The following C10orf88 variants were observed in gnomAD, a reference collection of about 807,000 sequenced individuals.
C10orf88 encodes chromosome 10 open reading frame 88.
A neutral mutation model predicts 34.2 loss-of-function variants in C10orf88; 29 were observed. That is an observed-to-expected ratio of 0.85 (90% CI 0.63 to 1.16). The LOEUF (loss-of-function observed/expected upper bound fraction) is 1.16. C10orf88 is among the 50% of genes most tolerant of loss of function. The pLI is 0.00. For synonymous variants in C10orf88, 194 were observed against 197.4 expected, an observed-to-expected ratio of 0.98 and a Z score of 0.15; for missense variants, 507 against 533.2, an observed-to-expected ratio of 0.95 and a Z score of 0.48.
chr10:122,938,254 T>C (rs1848553014), intron 4 of C10orf88, 95 bp from the exon 5 acceptor site: 2 of 1,034,102 alleles, frequency 1.9e-6, no homozygotes, highest in East Asian at 2.5e-5. Context: ...CATTGTTTCA[T>C]CCAATCCTCA....
At position 122,951,984 on chromosome 10, in the gene C10orf88, C is replaced by A; in HGVS notation, c.411G>T (p.Leu137Phe). The change falls in exon 3 of 6, where the codon TTG becomes TTT. Residue 137 changes from leucine (L) to phenylalanine (F), a missense_variant. Physicochemically the swap from Leu to Phe is conservative, Grantham distance 22. Coordinates refer to ENST00000481909, the MANE Select transcript of C10orf88 (RefSeq NM_024942.4). ...TTTTACAAGCATGTGTGGAGGACTC[C>A]AATTTTAGATTTTTTTTATACAAAA... ...KIILYKKNLK[L>F]ESSTHACKIK... The A allele has an allele frequency of 7.1e-6, 11 of 1,546,348 alleles. No individual in the cohort carries two copies. Among genetic ancestry groups the A allele is most frequent in the Non-Finnish European group, 9.7e-6 (11 of 1,128,404 alleles).
chr10:122,941,621 T>C (rs1190710721), intron 4 of C10orf88, among the ~76,000 whole-genome samples: 1 of 152,158 alleles, frequency 6.6e-6, no homozygotes, highest in Non-Finnish European at 1.5e-5. Context: ...TTAGAATGTA[T>C]AGATGCCTAG....
chr10:122,938,862 G>T (rs113547715), intron 4 of C10orf88, among the ~76,000 whole-genome samples: 3,470 of 152,066 alleles, frequency 0.023, 52 homozygotes, highest in Middle Eastern at 0.048. Flanking sequence ...GATGATTACA[G>T]TATCTCCCTT....
chr10:122,941,130 A>G (rs1342304933), intron 4 of C10orf88, among the ~76,000 whole-genome samples: 1 of 152,226 alleles, frequency 6.6e-6, no homozygotes, highest in South Asian at 2.1e-4. Flanking sequence ...AGAAAAAAGC[A>G]AGAGTATAAC....
chr10:122,938,476 G>A (rs1026200977), intron 4 of C10orf88, among the ~76,000 whole-genome samples: 1 of 152,020 alleles, frequency 6.6e-6, no homozygotes, highest in Non-Finnish European at 1.5e-5. Context: ...TAGTCAAACT[G>A]CACTGACACT....
chr10:122,931,269 C>A lies in C10orf88; in HGVS notation c.*1158G>T, dbSNP rs1183808184. The A allele has an allele frequency of 1.3e-5, 2 of 152,136 alleles. No homozygotes were observed. Among genetic ancestry groups the A allele is most frequent in the African/African-American group, 4.8e-5 (2 of 41,424 alleles). 9.4% of individuals were successfully genotyped at this position (152,136 alleles called of 1,614,324 possible). On this transcript the variant is annotated 3_prime_UTR_variant, in exon 6 of 6. Coordinates refer to ENST00000481909, the MANE Select transcript of C10orf88 (RefSeq NM_024942.4). The stretch of plus-strand genomic sequence containing the variant: ...AGCTATCGTGGTTGTAACCAGTCTC[C>A]TCTGGACTGGTTACAAAAGGAACTT...
chr10:122,931,130 C>T lies in C10orf88; in HGVS notation c.*1297G>A, dbSNP rs1229646792. Reference sequence around the variant, plus strand: ...TGCCTTCCTTTTTGTCCTTTCATGGCTTCTTCTGGTCACTGTCATGGCGAT... The same window carrying T: ...TGCCTTCCTTTTTGTCCTTTCATGGTTTCTTCTGGTCACTGTCATGGCGAT... On this transcript the variant is annotated 3_prime_UTR_variant, in exon 6 of 6. Coordinates refer to ENST00000481909, the MANE Select transcript of C10orf88 (RefSeq NM_024942.4). 3.3e-5 allele frequency: 5 copies of T among 152,152 alleles called. No homozygotes were observed. In the East Asian group the frequency reaches 9.6e-4, roughly 29 times the overall value. The allele number at this position is 152,152 out of a possible 1,614,324, so 9.4% of individuals were successfully genotyped here. A position where few individuals can be genotyped will look rare whatever the true frequency, so the allele number is the denominator to read the frequency against.
chr10:122,954,222 TC>T lies in C10orf88; in HGVS notation c.-45del. ...GCCAGCCCAGCCCCGGAACCTCTCT[TC>T]CAGTGCTTGAATTTCCGCCGGTACA... On this transcript the variant is annotated 5_prime_UTR_variant, in exon 1 of 6. Coordinates refer to ENST00000481909, the MANE Select transcript of C10orf88 (RefSeq NM_024942.4). The T allele has an allele frequency of 6.8e-7, 1 of 1,464,120 alleles. No homozygotes were observed. Among genetic ancestry groups the T allele is most frequent in the East Asian group, 2.9e-5 (1 of 34,972 alleles). 90.7% of individuals were successfully genotyped at this position (1,464,120 alleles called of 1,614,324 possible). A position where few individuals can be genotyped will look rare whatever the true frequency, so the allele number is the denominator to read the frequency against.
chr10:122,953,551 C>T (rs892665168), intron 1 of C10orf88, among the ~76,000 whole-genome samples: 6 of 152,220 alleles, frequency 3.9e-5, no homozygotes, highest in African/African-American at 1.4e-4. Flanking sequence ...CTGCAATTGA[C>T]TCTCGGATAA....
Position 122,942,325 on chromosome 10 carries a change from C to A in C10orf88, c.649-4166G>T, listed in dbSNP as rs1017770023. Among the ~76,000 whole-genome samples the A allele has an allele frequency of 3.1e-4, 39 of 127,122 alleles. 1 individual carries two copies. Among genetic ancestry groups the A allele is most frequent in the Admixed American group, 2.0e-3 (25 of 12,746 alleles). 83.4% of individuals were successfully genotyped at this position (127,122 alleles called of 152,430 possible). ...AAGGCCTTTGACAAAATTCAACAACCCTTCATGCTAAAAACTCTCAATAAA... is the reference window on the plus strand; with the variant it reads ...AAGGCCTTTGACAAAATTCAACAACACTTCATGCTAAAAACTCTCAATAAA... On this transcript the variant is annotated intron_variant, in intron 4 of 5. Coordinates refer to ENST00000481909, the MANE Select transcript of C10orf88 (RefSeq NM_024942.4).
chr10:122,945,844 C>A lies in C10orf88; in HGVS notation c.648+2805G>T, dbSNP rs546110320. Among the ~76,000 whole-genome samples the A allele has an allele frequency of 3.5e-3, 536 of 152,158 alleles. 1 individual carries two copies. The highest frequency in any genetic ancestry group is 0.012 in the African/African-American group (514 of 41,518). On this transcript the variant is annotated intron_variant, in intron 4 of 5. Coordinates refer to ENST00000481909, the MANE Select transcript of C10orf88 (RefSeq NM_024942.4). The stretch of plus-strand genomic sequence containing the variant: ...ATGGTGGTTCACGCCTGTAATCCCA[C>A]CCAGTACTTTGGGAGGCCAAGGCAG...
rs113554698 is a variant in C10orf88, at chr10:122,934,699, C to T, written c.1104-2038G>A. Reference sequence around the variant, plus strand: ...CCAGGAGTATAATTGCTGGGTTGTACGGTAACTGTATGTTTAGTTTTTAAG... The same window carrying T: ...CCAGGAGTATAATTGCTGGGTTGTATGGTAACTGTATGTTTAGTTTTTAAG... On this transcript the variant is annotated intron_variant, in intron 5 of 5. Transcript: ENST00000481909. 3.9e-5 allele frequency among the ~76,000 whole-genome samples: 6 copies of T among 152,182 alleles called. No individual in the cohort carries two copies. The East Asian group carries it at 5.8e-4, about 15-fold the overall frequency.
chr10:122,934,831 C>G (rs1403950222), intron 5 of C10orf88, among the ~76,000 whole-genome samples: 7 of 152,008 alleles, frequency 4.6e-5, no homozygotes. Flanking sequence ...GGTATTGTTA[C>G]CATTTTTAAA....
intron 5 of C10orf88, among the ~76,000 whole-genome samples, chr10:122,934,412 T>C (rs1848514852): frequency 6.6e-6 from 1 of 152,164 alleles, no homozygotes; most frequent in African/African-American, 2.4e-5. Flanking sequence ...TTTTATTATT[T>C]TGAAAATATT....
At chr10:122,944,980 G>A (rs1848624384) in intron 4 of C10orf88, among the ~76,000 whole-genome samples, 1 of 126,038 alleles carries the variant, frequency 7.9e-6, no homozygotes, top group African/African-American at 2.9e-5. Flanking sequence ...TCCAATAGGT[G>A]TGTGTGTATA....
intron 3 of C10orf88, 48 bp from the exon 4 acceptor site, chr10:122,948,903 A>G: frequency 6.6e-7 from 1 of 1,510,900 alleles, no homozygotes; most frequent in Non-Finnish European, 9.1e-7. Context: ...AAAAACAATA[A>G]TCATTTAATG....
chr10:122,944,449 G>A (rs972637924), intron 4 of C10orf88, among the ~76,000 whole-genome samples: 14 of 151,630 alleles, frequency 9.2e-5, no homozygotes, highest in African/African-American at 1.7e-4. Flanking sequence ...TGGGTGCAGC[G>A]CACCAGCATG....
In C10orf88 at chr10:122,932,773, C is replaced by T. The variant is rs568044952; in HGVS notation, c.1104-112G>A. On this transcript the variant is annotated intron_variant, in intron 5 of 5. Transcript: ENST00000481909. The stretch of plus-strand genomic sequence containing the variant: ...TGAGATTTGTCTCCACAACTGTGCT[C>T]TGTCTTCTTACAATGCATTTCTAGG... 16 of 736,586 alleles carry T rather than the reference C, an allele frequency of 2.2e-5. No homozygotes were observed. The East Asian group carries it at 3.5e-4, about 16-fold the overall frequency. 45.6% of individuals were successfully genotyped at this position (736,586 alleles called of 1,614,324 possible).
chr10:122,937,877 C>A lies in C10orf88; in HGVS notation c.931G>T (p.Ala311Ser). ...TTCTTTGGTAAGAAAGAGGCCATTG[C>A]ATTTTTAAGATCATTTTCAAGAAAG... ...HSFLENDLKN[A>S]MASFLPKKVS... Residue 311 changes from alanine to serine, a missense_variant, in exon 5 of 6, where the codon GCA (alanine) becomes TCA (serine). Physicochemically the swap from Ala to Ser is moderately conservative, Grantham distance 99. Coordinates refer to ENST00000481909, the MANE Select transcript of C10orf88 (RefSeq NM_024942.4). 1 of 1,613,312 alleles carries A rather than the reference C, an allele frequency of 6.2e-7. No individual in the cohort carries two copies. Among genetic ancestry groups the A allele is most frequent in the Non-Finnish European group, 8.5e-7 (1 of 1,179,490 alleles).
Sources: gnomAD v4.1 joint callset for allele counts (sites outside exome capture counted in the v4.1 genomes callset) on GRCh38, gnomAD v4.1.1 for gene constraint, MANE v1.5 for transcripts, NCBI Gene and HGNC (gene_info 2026-07-23, HGNC 2026-07-21) for gene names.